DSCAM: variants seen among roughly 807,000 people sequenced by gnomAD.
DSCAM encodes cell adhesion molecule DSCAM.
Under a neutral mutation model 217.7 loss-of-function variants are expected in DSCAM, and 47 were observed. That is an observed-to-expected ratio of 0.22 (90% CI 0.17 to 0.28). The LOEUF is 0.28. DSCAM is among the 10% of genes least tolerant of loss of function. DSCAM has a pLI of 1.00. For missense variants in DSCAM, 2,080 were observed against 2,618.3 expected (o/e 0.79, Z 4.49); for synonymous variants, 1,056 against 1,015.3 (o/e 1.04, Z -0.76).
intron 3 of DSCAM, among the ~76,000 whole-genome samples, chr21:40,418,938 T>C (rs2075397214): frequency 6.6e-6 from 1 of 152,098 alleles, no homozygotes; most frequent in Non-Finnish European, 1.5e-5. Flanking sequence ...ATTCCAGGAA[T>C]TCAGGACACA....
intron 20 of DSCAM, among the ~76,000 whole-genome samples, chr21:40,111,444 C>T (rs1490306746): frequency 1.3e-5 from 2 of 152,006 alleles, no homozygotes; most frequent in Non-Finnish European, 2.9e-5. Context: ...ACAACCAGTA[C>T]CAGTCACTGC....
intron 32 of DSCAM, among the ~76,000 whole-genome samples, chr21:40,030,935 G>A (rs996757733): frequency 1.3e-5 from 2 of 152,022 alleles, no homozygotes. Flanking sequence ...CCACTACCCT[G>A]CAACCATCCT....
intron 1 of DSCAM, among the ~76,000 whole-genome samples, chr21:40,790,180 C>CTTT (rs771986567): frequency 5.6e-5 from 7 of 125,396 alleles, no homozygotes; most frequent in African/African-American, 1.5e-4. Context: ...TTCTTTCTTT[C>CTTT]TTTTTTTTTT....
chr21:40,716,990 G>T (rs897797886), intron 1 of DSCAM, among the ~76,000 whole-genome samples: 2 of 152,212 alleles, frequency 1.3e-5, no homozygotes, highest in African/African-American at 4.8e-5. Context: ...CAACTTTCCA[G>T]AGGAGGAAAG....
At chr21:40,337,799 A>C (rs1306489103) in intron 8 of DSCAM, among the ~76,000 whole-genome samples, 1 of 152,208 alleles carries the variant, frequency 6.6e-6, no homozygotes, top group African/African-American at 2.4e-5. Flanking sequence ...ATTATCTGAG[A>C]GATGACTAGA....
intron 1 of DSCAM, among the ~76,000 whole-genome samples, chr21:40,724,813 G>C (rs894420602): frequency 1.3e-5 from 2 of 152,154 alleles, no homozygotes; most frequent in African/African-American, 4.8e-5. Context: ...ACACTGTTGA[G>C]CATTATTTTC....
At chr21:40,790,165 C>A (rs1030425874) in intron 1 of DSCAM, among the ~76,000 whole-genome samples, 3 of 149,636 alleles carry the variant, frequency 2.0e-5, no homozygotes, top group Admixed American at 6.7e-5. Flanking sequence ...AGGATGCAAA[C>A]GTTTTTCTTT....
At chr21:40,372,490 T>C (rs560782771) in intron 3 of DSCAM, among the ~76,000 whole-genome samples, 23 of 152,328 alleles carry the variant, frequency 1.5e-4, no homozygotes, top group African/African-American at 5.5e-4. Flanking sequence ...TAGAGCCTAC[T>C]GAACAGGGAA....
chr21:40,249,339 T>C (rs926602331), intron 11 of DSCAM, among the ~76,000 whole-genome samples: 2 of 152,180 alleles, frequency 1.3e-5, no homozygotes, highest in Non-Finnish European at 2.9e-5. Flanking sequence ...CTCATGGTAG[T>C]GGATAAGTCT....
intron 26 of DSCAM, 125 bp downstream of exon 26, chr21:40,078,562 G>A: frequency 7.8e-7 from 1 of 1,280,796 alleles, no homozygotes; most frequent in African/African-American, 1.5e-5. Context: ...AATCCCGAAA[G>A]CCTAATGGGC....
At chr21:40,306,787 G>A (rs1411777787) in intron 9 of DSCAM, among the ~76,000 whole-genome samples, 3 of 151,946 alleles carry the variant, frequency 2.0e-5, no homozygotes, top group African/African-American at 7.3e-5. Context: ...TCCCAGGGAT[G>A]AAGCCCACTT....
chr21:40,409,863 G>A (rs1377548008), intron 3 of DSCAM, among the ~76,000 whole-genome samples: 1 of 152,114 alleles, frequency 6.6e-6, no homozygotes, highest in Non-Finnish European at 1.5e-5. Flanking sequence ...CTGCATCCCA[G>A]TAAACTGTCC....
chr21:40,301,043 C>G (rs2074009250), intron 9 of DSCAM, among the ~76,000 whole-genome samples: 1 of 152,172 alleles, frequency 6.6e-6, no homozygotes, highest in Non-Finnish European at 1.5e-5. Flanking sequence ...TTCTGGGATC[C>G]AGGAATGACA....
At position 40,312,062 on chromosome 21, in the gene DSCAM, C is replaced by T. The variant is rs375534145; in HGVS notation, c.2062+19G>A. On this transcript the variant is annotated intron_variant, in intron 9 of 32. Coordinates refer to ENST00000400454, the MANE Select transcript of DSCAM (RefSeq NM_001389.5). ...AATCAACTCTACAGATGCCACATGGCTCATGATCCTTTGCTCACCTCTGAC... is the reference window on the plus strand; with the variant it reads ...AATCAACTCTACAGATGCCACATGGTTCATGATCCTTTGCTCACCTCTGAC... 1.6e-5 allele frequency: 25 copies of T among 1,602,156 alleles called. No individual in the cohort carries two copies. The highest frequency in any genetic ancestry group is 2.0e-5 in the Non-Finnish European group (24 of 1,172,262).
chr21:40,522,375 G>C (rs938932918), intron 3 of DSCAM, among the ~76,000 whole-genome samples: 1 of 152,146 alleles, frequency 6.6e-6, no homozygotes, highest in Non-Finnish European at 1.5e-5. Context: ...AGTTCATTTT[G>C]CTCAACAGGA....
intron 14 of DSCAM, among the ~76,000 whole-genome samples, chr21:40,180,583 A>G (rs1193413485): frequency 6.6e-6 from 1 of 152,140 alleles, no homozygotes; most frequent in African/African-American, 2.4e-5. Context: ...AGAAAGCCAG[A>G]CCTTCTGCAG....
chr21:40,027,281 C>A (rs1229007935), intron 32 of DSCAM, among the ~76,000 whole-genome samples: 1 of 152,302 alleles, frequency 6.6e-6, no homozygotes, highest in Non-Finnish European at 1.5e-5. Context: ...TGAGGGTAAC[C>A]CGACCTTTCT....
intron 2 of DSCAM, among the ~76,000 whole-genome samples, chr21:40,701,148 A>T (rs2090652484): frequency 6.6e-6 from 1 of 152,210 alleles, no homozygotes; most frequent in Non-Finnish European, 1.5e-5. Flanking sequence ...TCTTTAATAG[A>T]TATAGGGCTA....
chr21:40,226,346 G>A (rs759058260), intron 11 of DSCAM, among the ~76,000 whole-genome samples: 5 of 152,112 alleles, frequency 3.3e-5, no homozygotes, highest in African/African-American at 4.8e-5. Flanking sequence ...GTGGGTTCTC[G>A]GATTTTCTTG....
Sources: allele counts gnomAD v4.1 joint callset (sites outside exome capture counted in the v4.1 genomes callset), GRCh38; gene constraint gnomAD v4.1.1; transcripts MANE v1.5; gene names NCBI Gene and HGNC (gene_info 2026-07-23, HGNC 2026-07-21).